RBFOX3: variants seen among roughly 807,000 people sequenced by gnomAD.
RBFOX3 encodes the protein RNA binding fox-1 homolog 3, also known as RNA binding protein fox-1 homolog 3.
A neutral mutation model predicts 48.7 loss-of-function variants in RBFOX3; 17 were observed. The observed-to-expected ratio is 0.35, with a 90% CI of 0.24 to 0.52. The LOEUF is 0.52. Among genes scored for constraint, RBFOX3 ranks in the 20% least tolerant of loss-of-function variants. The probability of loss-of-function intolerance (pLI) is 0.94; values close to 1 mark genes in which losing one functional copy is unlikely to be tolerated. For missense variants in RBFOX3, 382 were observed against 497.5 expected (o/e 0.77, Z 2.21); for synonymous variants, 212 against 209.5 (o/e 1.01, Z -0.10).
Position 79,143,376 on chromosome 17 carries a change from G to A in RBFOX3, c.-33-27628C>T, listed in dbSNP as rs113894025. On this transcript the variant is annotated intron_variant, in intron 4 of 14. Coordinates refer to ENST00000693108, the MANE Select transcript of RBFOX3 (RefSeq NM_001350451.2). ...GGTGCTGTCCTTGTTGGTGGAGCGGGGGGTGGGGGGGGGTTCTATAAATCC... is the reference window on the plus strand; with the variant it reads ...GGTGCTGTCCTTGTTGGTGGAGCGGAGGGTGGGGGGGGGTTCTATAAATCC... Among the ~76,000 whole-genome samples the A allele has an allele frequency of 6.3e-5, 8 of 126,158 alleles. 1 individual carries two copies. The highest frequency in any genetic ancestry group is 3.5e-3 in the Middle Eastern group (1 of 286). The allele number at this position is 126,158 out of a possible 152,430, so 82.8% of individuals were successfully genotyped here.
chr17:79,349,987 T>C (rs1046091271), intron 2 of RBFOX3, among the ~76,000 whole-genome samples: 3 of 152,072 alleles, frequency 2.0e-5, no homozygotes, highest in Admixed American at 6.5e-5. Flanking sequence ...AAAATCACAG[T>C]CCACATCGTC....
rs1358289723 is a variant in RBFOX3, at chr17:79,471,098, A to G, written c.-175+11356T>C. ...ATTAACTGCTTCATAGACAGTCAAA[A>G]TAAGCTTTCTGCTGGCCTCAGTGAC... On this transcript the variant is annotated intron_variant, in intron 2 of 14. Transcript: ENST00000693108. The surrounding 1 kb of genome is among the most constrained non-coding windows in gnomAD (Gnocchi z 4.0). Among the ~76,000 whole-genome samples the G allele has an allele frequency of 6.6e-6, 1 of 152,224 alleles. No individual in the cohort carries two copies.
At chr17:79,280,868 C>T (rs2070296695) in intron 3 of RBFOX3, among the ~76,000 whole-genome samples, 1 of 150,998 alleles carries the variant, frequency 6.6e-6, no homozygotes. Flanking sequence ...GGGTCTCCTG[C>T]AGGCATGTGG....
intron 2 of RBFOX3, among the ~76,000 whole-genome samples, chr17:79,428,323 C>T (rs1340429133): frequency 2.6e-5 from 4 of 152,202 alleles, no homozygotes; most frequent in Non-Finnish European, 4.4e-5. Flanking sequence ...CGGGGCAGGA[C>T]GGTCTCCTGC....
chr17:79,369,807 G>A (rs532293135), intron 2 of RBFOX3, among the ~76,000 whole-genome samples: 4 of 152,282 alleles, frequency 2.6e-5, no homozygotes, highest in African/African-American at 7.2e-5. Flanking sequence ...CCTGATGGAT[G>A]GAGATTTGGT....
chr17:79,371,232 T>G (rs2058497021), intron 2 of RBFOX3, among the ~76,000 whole-genome samples: 1 of 152,238 alleles, frequency 6.6e-6, no homozygotes, highest in Non-Finnish European at 1.5e-5. Context: ...TAACCCCACT[T>G]TGCTCTGCCT....
intron 4 of RBFOX3, among the ~76,000 whole-genome samples, chr17:79,185,483 T>C (rs561528621): frequency 6.6e-6 from 1 of 152,014 alleles, no homozygotes; most frequent in East Asian, 2.0e-4. Flanking sequence ...GGAGTGGCCC[T>C]TGCTGCCTCC....
rs1301671057 is a variant in RBFOX3, at chr17:79,153,166, G to A, written c.-33-37418C>T. ...CCCCGACCCTTGGCCCTGTTCTGGG[G>A]TCCCTCCCATTTTGCAGAACTGCTG... is the stretch of plus-strand genomic sequence containing the variant. On this transcript the variant is annotated intron_variant, in intron 4 of 14. Transcript: ENST00000693108. Among the ~76,000 whole-genome samples the A allele has an allele frequency of 2.6e-5, 4 of 152,286 alleles. No individual in the cohort carries two copies. In the East Asian group the frequency reaches 7.7e-4, roughly 29 times the overall value.
chr17:79,319,418 C>T (rs528458481), intron 2 of RBFOX3, among the ~76,000 whole-genome samples: 33 of 152,310 alleles, frequency 2.2e-4, no homozygotes, highest in South Asian at 1.5e-3. Flanking sequence ...CTTGGGCTGC[C>T]GGAGTGGTGA....
the RBFOX3 span, among the ~76,000 whole-genome samples, chr17:79,637,321 A>G: frequency 6.6e-6 from 1 of 152,144 alleles, no homozygotes; most frequent in South Asian, 2.1e-4. Flanking sequence ...CATATACAGA[A>G]CTTTCTACTC....
chr17:79,093,854 C>T (rs892390165), intron 14 of RBFOX3, among the ~76,000 whole-genome samples: 17 of 152,026 alleles, frequency 1.1e-4, no homozygotes, highest in East Asian at 3.9e-4. Context: ...CGCACCTCCC[C>T]GCCCCGCCCC....
intron 2 of RBFOX3, among the ~76,000 whole-genome samples, chr17:79,356,348 G>GTTTTTCTTTTTTTT (rs2085003830): frequency 2.1e-5 from 1 of 47,270 alleles, no homozygotes; most frequent in Non-Finnish European, 4.1e-5. Flanking sequence ...AAACAGGGAA[G>GTTTTTCTTTTTTTT]TTTTTTTTTT....
chr17:79,640,003 G>A, the RBFOX3 span, among the ~76,000 whole-genome samples: 1 of 152,124 alleles, frequency 6.6e-6, no homozygotes, highest in Non-Finnish European at 1.5e-5. Context: ...AGAAATAAAA[G>A]CATCCAAATC....
At chr17:79,370,595 G>A (rs4790020) in intron 2 of RBFOX3, among the ~76,000 whole-genome samples, 18,996 of 147,942 alleles carry the variant, frequency 0.13, 1,513 homozygotes, top group East Asian at 0.28. Context: ...ACACGTACAC[G>A]TCTCTCATAC....
intron 2 of RBFOX3, among the ~76,000 whole-genome samples, chr17:79,408,313 G>C (rs1349986559): frequency 1.3e-5 from 2 of 152,172 alleles, no homozygotes; most frequent in Admixed American, 6.5e-5. Context: ...AGACCAGTGG[G>C]AGGGTCGGGC....
chr17:79,200,918 C>T (rs887048556), intron 4 of RBFOX3, among the ~76,000 whole-genome samples: 13 of 152,004 alleles, frequency 8.6e-5, no homozygotes, highest in South Asian at 4.2e-4. Context: ...CTGTGTGCGG[C>T]GGGCAGCTGG....
chr17:79,357,890 T>A (rs967992195), intron 2 of RBFOX3, among the ~76,000 whole-genome samples: 2 of 152,002 alleles, frequency 1.3e-5, no homozygotes, highest in South Asian at 4.1e-4. Context: ...TTGAAGTTTT[T>A]TTTTTACTTT....
At chr17:79,452,259 T>C (rs1296272488) in intron 2 of RBFOX3, among the ~76,000 whole-genome samples, 1 of 152,070 alleles carries the variant, frequency 6.6e-6, no homozygotes, top group Non-Finnish European at 1.5e-5. Context: ...AGAGTAAGAC[T>C]GGGAGCTCAG....
chr17:79,138,875 C>T (rs2041188869), intron 4 of RBFOX3, among the ~76,000 whole-genome samples: 3 of 133,296 alleles, frequency 2.3e-5, no homozygotes, highest in Admixed American at 7.6e-5. Context: ...CTCTCACCCA[C>T]ACACGCAGGC....
Sources: allele counts gnomAD v4.1 joint callset (sites outside exome capture counted in the v4.1 genomes callset), GRCh38; gene constraint gnomAD v4.1.1; non-coding constraint Gnocchi (gnomAD v3.1); transcripts MANE v1.5; gene names NCBI Gene and HGNC (gene_info 2026-07-23, HGNC 2026-07-21).